Variants in NAALADL2 observed in about 807,000 individuals in gnomAD.
The protein encoded by NAALADL2 is N-acetylated alpha-linked acidic dipeptidase like 2.
Under a neutral mutation model 87.2 loss-of-function variants are expected in NAALADL2, and 76 were observed. That is an observed-to-expected ratio of 0.87 (90% CI 0.72 to 1.05). The LOEUF (loss-of-function observed/expected upper bound fraction) is 1.05. Among genes scored for constraint, NAALADL2 ranks in the 50% least tolerant of loss-of-function variants. NAALADL2 has a pLI of 0.00. For synonymous variants in NAALADL2, 354 were observed against 331.0 expected (o/e 1.07, Z -0.75); for missense variants, 1,089 against 945.8 (o/e 1.15, Z -1.99).
chr3:175,742,208 T>C (rs912379110), intron 12 of NAALADL2, among the ~76,000 whole-genome samples: 28 of 152,202 alleles, frequency 1.8e-4, no homozygotes, highest in African/African-American at 5.6e-4. Context: ...GGGAGGTATG[T>C]AGCTTGTTTT....
At chr3:175,764,925 G>C (rs559965979) in intron 13 of NAALADL2, among the ~76,000 whole-genome samples, 2 of 152,032 alleles carry the variant, frequency 1.3e-5, no homozygotes, top group African/African-American at 2.4e-5. Context: ...CTCATGTTCC[G>C]TGTTTGATTG....
At chr3:174,486,544 G>A (rs567202472) in intron 1 of NAALADL2, among the ~76,000 whole-genome samples, 6 of 152,028 alleles carry the variant, frequency 3.9e-5, no homozygotes, top group African/African-American at 7.2e-5. Flanking sequence ...GGTAAATTGC[G>A]GTTTTCCATA....
intron 2 of NAALADL2, among the ~76,000 whole-genome samples, chr3:174,701,659 A>G (rs916608197): frequency 1.4e-5 from 2 of 139,364 alleles, no homozygotes; most frequent in East Asian, 2.1e-4. Context: ...TTTACTATTG[A>G]TTAGTTCTGT....
intron 11 of NAALADL2, among the ~76,000 whole-genome samples, chr3:175,731,072 A>G (rs941022417): frequency 6.6e-6 from 1 of 152,148 alleles, no homozygotes; most frequent in Admixed American, 6.6e-5. Context: ...AGAAGTAAAG[A>G]ATTTAGAGTC....
intron 6 of NAALADL2, among the ~76,000 whole-genome samples, chr3:175,457,088 G>T (rs145205888): frequency 6.6e-6 from 1 of 151,934 alleles, no homozygotes; most frequent in Non-Finnish European, 1.5e-5. Flanking sequence ...ATGTACCAGG[G>T]AACAATTTTT....
At chr3:174,999,367 A>C (rs1344122361) in intron 1 of NAALADL2, among the ~76,000 whole-genome samples, 2 of 152,132 alleles carry the variant, frequency 1.3e-5, no homozygotes, top group Non-Finnish European at 2.9e-5. Flanking sequence ...ATAAATATTT[A>C]TTTTTAGAAT....
intron 2 of NAALADL2, among the ~76,000 whole-genome samples, chr3:175,193,407 A>C (rs951211391): frequency 2.0e-5 from 3 of 151,914 alleles, no homozygotes; most frequent in Non-Finnish European, 4.4e-5. Context: ...TGTAATGGTC[A>C]GGAAGAAGAA....
At chr3:175,206,290 G>GTGTATATATATATA (rs1740868660) in intron 2 of NAALADL2, among the ~76,000 whole-genome samples, 1 of 107,368 alleles carries the variant, frequency 9.3e-6, no homozygotes, top group Non-Finnish European at 1.7e-5. Context: ...GTGTGTGTAT[G>GTGTATATATATATA]TATGTGTATA....
chr3:175,666,209 A>G (rs1326495719), intron 11 of NAALADL2, among the ~76,000 whole-genome samples: 1 of 152,080 alleles, frequency 6.6e-6, no homozygotes, highest in Non-Finnish European at 1.5e-5. Context: ...AGGGCATCAG[A>G]ATTTCAGAAC....
chr3:175,660,419 A>G (rs993136549), intron 11 of NAALADL2, among the ~76,000 whole-genome samples: 1 of 152,114 alleles, frequency 6.6e-6, no homozygotes, highest in African/African-American at 2.4e-5. Context: ...AATACACGTG[A>G]TGTTTTGATA....
chr3:175,771,362 T>G (rs1749462926), intron 13 of NAALADL2, among the ~76,000 whole-genome samples: 1 of 152,218 alleles, frequency 6.6e-6, no homozygotes. Context: ...CCCATTTTAC[T>G]TATTTCATAA....
chr3:174,878,208 A>C (rs1490038193), intron 1 of NAALADL2, among the ~76,000 whole-genome samples: 1 of 152,240 alleles, frequency 6.6e-6, no homozygotes, highest in East Asian at 1.9e-4. Flanking sequence ...TTTGAGAAAA[A>C]TTTATATGAT....
chr3:175,435,654 G>A (rs1718510153), intron 5 of NAALADL2, among the ~76,000 whole-genome samples: 1 of 151,948 alleles, frequency 6.6e-6, no homozygotes, highest in Admixed American at 6.6e-5. Flanking sequence ...ATAGTCCTTT[G>A]TCCCCAAATA....
At chr3:175,509,848 A>T (rs12495249) in intron 9 of NAALADL2, among the ~76,000 whole-genome samples, 27,582 of 134,144 alleles carry the variant, frequency 0.21, 3,328 homozygotes, top group African/African-American at 0.43. Context: ...TTTTTTTCTT[A>T]TTTTATTTTA....
chr3:175,148,847 T>G (rs1288963713), intron 2 of NAALADL2, among the ~76,000 whole-genome samples: 2 of 152,212 alleles, frequency 1.3e-5, no homozygotes. Context: ...TGCTGTAACC[T>G]TAGAGAATAG....
chr3:174,596,998 A>G (rs1717978307), intron 2 of NAALADL2, among the ~76,000 whole-genome samples: 1 of 152,190 alleles, frequency 6.6e-6, no homozygotes, highest in Non-Finnish European at 1.5e-5. Flanking sequence ...GTCTCTGGGA[A>G]GATGAAGCTT....
chr3:175,478,691 C>A (rs1276059498), intron 9 of NAALADL2, among the ~76,000 whole-genome samples: 2 of 151,786 alleles, frequency 1.3e-5, no homozygotes, highest in Non-Finnish European at 2.9e-5. Context: ...TTTTTGTCTG[C>A]AATTTTTTGA....
intron 1 of NAALADL2, among the ~76,000 whole-genome samples, chr3:174,532,548 A>T (rs1721339676): frequency 6.6e-6 from 1 of 152,210 alleles, no homozygotes; most frequent in Admixed American, 6.5e-5. Context: ...AACTCAGAGT[A>T]CTGTTCAAAG....
intron 9 of NAALADL2, among the ~76,000 whole-genome samples, chr3:175,520,747 A>C (rs991643399): frequency 4.6e-5 from 7 of 152,244 alleles, no homozygotes; most frequent in Non-Finnish European, 7.3e-5. Flanking sequence ...ATCCTCCCTC[A>C]CATATGGCAA....
Sources: gnomAD v4.1 joint callset for allele counts (sites outside exome capture counted in the v4.1 genomes callset) on GRCh38, gnomAD v4.1.1 for gene constraint, MANE v1.5 for transcripts, NCBI Gene and HGNC (gene_info 2026-07-23, HGNC 2026-07-21) for gene names.